The following KDM6B variants were observed in gnomAD, a reference collection of about 807,000 sequenced individuals.
KDM6B encodes lysine demethylase 6B.
KDM6B carries 22 observed loss-of-function variants against 150.4 expected under a neutral mutation model. That is an observed-to-expected ratio of 0.15 (90% CI 0.10 to 0.21). The LOEUF (loss-of-function observed/expected upper bound fraction) is 0.21. Among genes scored for constraint, KDM6B ranks in the 10% least tolerant of loss-of-function variants. The pLI is 1.00. For synonymous variants in KDM6B, 1,148 were observed against 921.1 expected (o/e 1.25, Z -4.46); for missense variants, 1,984 against 2,234.3 (o/e 0.89, Z 2.26).
chr17:7,851,918 G>A lies in KDM6B; in HGVS notation c.4166-33G>A, dbSNP rs750842484. The A allele has an allele frequency of 4.3e-6, 7 of 1,609,792 alleles. No homozygotes were observed. The South Asian group carries it at 7.7e-5, about 18-fold the overall frequency. On this transcript the variant is annotated intron_variant, in intron 18 of 23. Transcript: ENST00000448097. The stretch of plus-strand genomic sequence containing the variant: ...TATCGGGGATCGCAGTTCCGACCTG[G>A]CCAGCCATGCCGTTCTCTGTCGACC...
In KDM6B at chr17:7,853,146, T is replaced by TGCTCTCCCTGAGTGTCCACAGTG; in HGVS notation, c.4737+23_4738-39dup. The TGCTCTCCCTGAGTGTCCACAGTG allele has an allele frequency of 1.9e-6, 3 of 1,614,086 alleles. No homozygotes were observed. The highest frequency in any genetic ancestry group is 2.5e-6 in the Non-Finnish European group (3 of 1,179,986). The stretch of plus-strand genomic sequence containing the variant: ...TGCGATGTGAGTGGGCCGGCTCTGC[T>TGCTCTCCCTGAGTGTCCACAGTG]GCTCTCCCTGAGTGTCCACAGTGGC... On this transcript the variant is annotated intron_variant, in intron 22 of 23. Coordinates refer to ENST00000448097, the MANE Select transcript of KDM6B (RefSeq NM_001348716.2).
rs1475554842 is a variant in KDM6B, at chr17:7,844,364, G to C, written c.-268-537G>C. On this transcript the variant is annotated intron_variant, in intron 2 of 23. Coordinates refer to ENST00000448097, the MANE Select transcript of KDM6B (RefSeq NM_001348716.2). This position sits in a 1 kb window ranked among gnomAD's most constrained non-coding sequence, Gnocchi z 5.9. ...ACCTGGAGGAACTGGGTATGAGACTGGGGGCTTGACCAAGGTTTGGGTCGG... is the reference window on the plus strand; with the variant it reads ...ACCTGGAGGAACTGGGTATGAGACTCGGGGCTTGACCAAGGTTTGGGTCGG... 6.6e-6 allele frequency: 1 copy of C among 152,332 alleles called. No homozygotes were observed. Among genetic ancestry groups the C allele is most frequent in the East Asian group, 1.9e-4 (1 of 5,184 alleles). The allele number at this position is 152,332 out of a possible 1,614,324, so 9.4% of individuals were successfully genotyped here. A position where few individuals can be genotyped will look rare whatever the true frequency, so the allele number is the denominator to read the frequency against.
chr17:7,843,940 G>GT lies in KDM6B; in HGVS notation c.-268-961_-268-960insT, dbSNP rs1405082140. Among the ~76,000 whole-genome samples the GT allele has an allele frequency of 6.6e-6, 1 of 152,122 alleles. No individual in the cohort carries two copies. The highest frequency in any genetic ancestry group is 6.5e-5 in the Admixed American group (1 of 15,272). On this transcript the variant is annotated intron_variant, in intron 2 of 23. Transcript: ENST00000448097. This position sits in a 1 kb window ranked among gnomAD's most constrained non-coding sequence, Gnocchi z 4.5. ...AGTCGGCACCAAAGCGAAAGGGTGG[G>GT]GGGGGCGTGAAGGAGGAAGTGAAAC... is the stretch of plus-strand genomic sequence containing the variant.
In KDM6B at chr17:7,846,202, C is replaced by G. The variant is rs746013755; in HGVS notation, c.361C>G (p.His121Asp). The change falls in exon 7 of 24, where the codon CAC (histidine) becomes GAC (aspartate). Residue 121 changes from histidine to aspartate, a missense_variant. Coordinates refer to ENST00000448097, the MANE Select transcript of KDM6B (RefSeq NM_001348716.2). ...GCTTGGGCAACTGTACGAGTCAGAG[C>G]ACGATAGTGAGGAGGCCACACGCTG... is the stretch of plus-strand genomic sequence containing the variant. ...EQLGQLYESE[H>D]DSEEATRCYH... The G allele has an allele frequency of 6.2e-7, 1 of 1,614,046 alleles. No individual in the cohort carries two copies. Among genetic ancestry groups the G allele is most frequent in the Non-Finnish European group, 8.5e-7 (1 of 1,180,030 alleles).
Position 7,845,975 on chromosome 17 carries a change from G to A in KDM6B, c.236+5G>A, listed in dbSNP as rs1158999612. 1 of 1,613,108 alleles carries A rather than the reference G, an allele frequency of 6.2e-7. No individual in the cohort carries two copies. The highest frequency in any genetic ancestry group is 1.3e-5 in the African/African-American group (1 of 74,898). The stretch of plus-strand genomic sequence containing the variant: ...CAAACCATATTATGCTCCAGGGTGA[G>A]TGGATATTTGAAGGTTCTGGGAGTG... On this transcript the variant is annotated splice_donor_5th_base_variant and intron_variant, in intron 6 of 23. Coordinates refer to ENST00000448097, the MANE Select transcript of KDM6B (RefSeq NM_001348716.2).
Position 7,848,174 on chromosome 17 carries a change from G to A in KDM6B, c.1886G>A (p.Arg629Gln), listed in dbSNP as rs1315805082. ...AGCTTCAGGCGCCCGGAGAGCCCCC[G>A]GCCCAGGGTCTCCTTCCCAAAGACC... ...SGSFRRPESP[R>Q]PRVSFPKTPE... The change falls in exon 12 of 24, where the codon CGG becomes CAG. Residue 629 changes from arginine (R) to glutamine (Q), a missense_variant. This residue lies in a region of KDM6B where 1,379 missense variants were observed against 1,275.6 expected (regional missense o/e 1.08). Transcript: ENST00000448097. The A allele has an allele frequency of 1.2e-5, 20 of 1,612,398 alleles. No individual in the cohort carries two copies. The highest frequency in any genetic ancestry group is 1.5e-5 in the Non-Finnish European group (18 of 1,179,876).
At chr17:7,853,182 C>A (rs535594877) in intron 22 of KDM6B, 28 bp from the exon 23 acceptor site, 23 of 1,613,846 alleles carry the variant, frequency 1.4e-5, no homozygotes, top group East Asian at 2.2e-5. Context: ...CCTCCCTCCC[C>A]CTGACTGCAC....
chr17:7,845,732 C>T (rs751824514), intron 5 of KDM6B, 41 bp downstream of exon 5: 4 of 1,613,598 alleles, frequency 2.5e-6, no homozygotes, highest in African/African-American at 2.7e-5. Context: ...ACACCTCTTT[C>T]CATCTCTGTA....
chr17:7,841,072 G>C (rs970002294), intron 2 of KDM6B, among the ~76,000 whole-genome samples: 23 of 152,196 alleles, frequency 1.5e-4, no homozygotes, highest in African/African-American at 5.6e-4. Context: ...CTTTGGCCAA[G>C]TCACCTAGCC....
chr17:7,853,560 G>T lies in KDM6B; in HGVS notation c.*39G>T. ...GCCCGCCTGCCTGCCCGCGCAAGGC[G>T]CCGCGGGGCCACCAGCACATGCCTG... On this transcript the variant is annotated 3_prime_UTR_variant, in exon 24 of 24. Coordinates refer to ENST00000448097, the MANE Select transcript of KDM6B (RefSeq NM_001348716.2). 2.2e-6 allele frequency: 3 copies of T among 1,381,320 alleles called. No homozygotes were observed. The highest frequency in any genetic ancestry group is 2.8e-6 in the Non-Finnish European group (3 of 1,065,266). 85.6% of individuals were successfully genotyped at this position (1,381,320 alleles called of 1,614,324 possible).
At chr17:7,835,112 C>T (rs1405583888) in intron 1 of KDM6B, among the ~76,000 whole-genome samples, 1 of 152,042 alleles carries the variant, frequency 6.6e-6, no homozygotes, top group African/African-American at 2.4e-5. Context: ...TAGGCTGAGG[C>T]CCCCACTTGA....
Position 7,848,857 on chromosome 17 carries a change from G to A in KDM6B, c.2569G>A (p.Ala857Thr), listed in dbSNP as rs562990964. Residue 857 changes from alanine to threonine, a missense_variant, in exon 12 of 24, where the codon GCC becomes ACC. Physicochemically the swap from Ala to Thr is moderately conservative, Grantham distance 58 (BLOSUM62 0). This residue lies in a region of KDM6B where 1,379 missense variants were observed against 1,275.6 expected (regional missense o/e 1.08). Coordinates refer to ENST00000448097, the MANE Select transcript of KDM6B (RefSeq NM_001348716.2). ...ALPPTSAAPS[A>T]QGSPQPSASS... ...GCCGCCCACCTCAGCGGCCCCTAGC[G>A]CCCAGGGCTCCCCACAGCCCTCTGC... 4.3e-6 allele frequency: 7 copies of A among 1,611,150 alleles called. No homozygotes were observed. The highest frequency in any genetic ancestry group is 4.5e-5 in the East Asian group (2 of 44,814).
rs1442352572 is a variant in KDM6B, at chr17:7,853,299, C to A, written c.4827C>A (p.Arg1609=). The A allele has an allele frequency of 6.2e-7, 1 of 1,602,240 alleles. No individual in the cohort carries two copies. The highest frequency in any genetic ancestry group is 1.7e-4 in the Middle Eastern group (1 of 6,056). The change falls in exon 23 of 24, where the codon CGC becomes CGA. Residue 1609 remains arginine, a synonymous_variant. Transcript: ENST00000448097. ...LVHCEGCARR[R]SAGLQGVVVL... is the part of the protein sequence containing the mutation. Reference sequence around the variant, plus strand: ...ACTGCGAGGGCTGTGCCCGGCGCCGCAGCGCAGGCCTGCAGGGCGTGGTGG... The same window carrying A: ...ACTGCGAGGGCTGTGCCCGGCGCCGAAGCGCAGGCCTGCAGGGCGTGGTGG...
chr17:7,849,209 GGCGACAGAAGGA>G lies in KDM6B; in HGVS notation c.2924_2935del (p.Arg975_Glu978del). On this transcript the variant is annotated inframe_deletion, in exon 12 of 24. Transcript: ENST00000448097. ...GCGGCAGTGTCAGGCAGCTGTAAGC[GGCGACAGAAGGA>G]GCATCAGAAGGAGCATCGGCGGCAC... 6.3e-7 allele frequency: 1 copy of G among 1,595,922 alleles called. No individual in the cohort carries two copies. Among genetic ancestry groups the G allele is most frequent in the South Asian group, 1.1e-5 (1 of 89,356 alleles).
In KDM6B at chr17:7,845,039, T is replaced by TAAAAAAGTGA; in HGVS notation, c.-149+19_-149+20insAAAAAAGTGA. ...AGGCCGGGTAAGCGGCCGCTGCGTT[T>TAAAAAAGTGA]TGGGTCGGCCCAGTGGCTCCGGACT... On this transcript the variant is annotated intron_variant, in intron 3 of 23. Coordinates refer to ENST00000448097, the MANE Select transcript of KDM6B (RefSeq NM_001348716.2). The TAAAAAAGTGA allele has an allele frequency of 5.0e-6, 1 of 200,912 alleles. No individual in the cohort carries two copies. Among genetic ancestry groups the TAAAAAAGTGA allele is most frequent in the Non-Finnish European group, 1.1e-5 (1 of 94,642 alleles). The allele number at this position is 200,912 out of a possible 1,614,324, so 12.4% of individuals were successfully genotyped here. A position where few individuals can be genotyped will look rare whatever the true frequency, so the allele number is the denominator to read the frequency against.
chr17:7,847,704 C>CCCGGGCCCCCCCGG lies in KDM6B; in HGVS notation c.1416_1417insCCGGGCCCCCCCGG (p.Cys473ProfsTer19). On this transcript the variant is annotated frameshift_variant, in exon 12 of 24. Coordinates refer to ENST00000448097, the MANE Select transcript of KDM6B (RefSeq NM_001348716.2). LOFTEE classifies it high-confidence loss of function. Reference sequence around the variant, plus strand: ...GACCTTCCTCACCCCCTCCACCCCCCTGTCCCCGCCTCTTACGCCCCCCAC... The same window carrying CCCGGGCCCCCCCGG: ...GACCTTCCTCACCCCCTCCACCCCCCCCGGGCCCCCCCGGTGTCCCCGCCTCTTACGCCCCCCAC... The CCCGGGCCCCCCCGG allele has an allele frequency of 6.8e-7, 1 of 1,474,540 alleles. No homozygotes were observed. The highest frequency in any genetic ancestry group is 9.1e-7 in the Non-Finnish European group (1 of 1,097,004). The allele number at this position is 1,474,540 out of a possible 1,614,324, so 91.3% of individuals were successfully genotyped here.
intron 2 of KDM6B, among the ~76,000 whole-genome samples, chr17:7,842,474 T>A (rs1227011916): frequency 2.0e-5 from 3 of 151,748 alleles, no homozygotes; most frequent in Non-Finnish European, 4.4e-5. Context: ...CTTCGAGGAG[T>A]CTGTGGGTGT....
At position 7,846,988 on chromosome 17, in the gene KDM6B, G is replaced by A. The variant is rs367566006; in HGVS notation, c.881G>A (p.Arg294His). 1.4e-5 allele frequency: 22 copies of A among 1,609,326 alleles called. 1 individual carries two copies. Among genetic ancestry groups the A allele is most frequent in the African/African-American group, 9.4e-5 (7 of 74,290 alleles). ...CATGGAGATGCCTGGGGCCCAGAGC[G>A]CAAGGGTTCAGCACCCCCAGAGCGC... ...TLHGDAWGPE[R>H]KGSAPPERQE... Residue 294 changes from arginine (R) to histidine (H), a missense_variant, in exon 10 of 24, where the codon CGC becomes CAC. Transcript: ENST00000448097.
In KDM6B at chr17:7,849,906, C is replaced by G; in HGVS notation, c.3526C>G (p.Leu1176Val). Residue 1176 changes from leucine to valine, a missense_variant, in exon 13 of 24, where the codon CTG becomes GTG. Leu to Val is a conservative substitution (Grantham distance 32). Coordinates refer to ENST00000448097, the MANE Select transcript of KDM6B (RefSeq NM_001348716.2). ...VKPKINTEEK[L>V]PREKLNPPTP... is the part of the protein sequence containing the mutation. ...ACCGAAGATCAACACTGAGGAGAAG[C>G]TGCCCCGGGAAAAACTCAACCCCCC... 6.2e-7 allele frequency: 1 copy of G among 1,613,568 alleles called. No individual in the cohort carries two copies. The highest frequency in any genetic ancestry group is 1.3e-5 in the African/African-American group (1 of 75,046).
Sources: allele counts gnomAD v4.1 joint callset (sites outside exome capture counted in the v4.1 genomes callset), GRCh38; gene constraint gnomAD v4.1.1; regional missense constraint gnomAD v4.1.1; non-coding constraint Gnocchi (gnomAD v3.1); transcripts MANE v1.5; gene names NCBI Gene and HGNC (gene_info 2026-07-23, HGNC 2026-07-21).